RAD51B: variants seen among roughly 807,000 people sequenced by gnomAD.
The protein encoded by RAD51B is RAD51 paralog B.
In RAD51B, 38 loss-of-function variants were observed where a neutral mutation model predicts 42.2. That is an observed-to-expected ratio of 0.90 (90% CI 0.70 to 1.18). The LOEUF (loss-of-function observed/expected upper bound fraction) is 1.18, where lower values mean the gene tolerates loss of function less well. Ranked by LOEUF, RAD51B falls within the 50% of genes most tolerant of loss-of-function variation. RAD51B has a pLI of 0.00. For synonymous variants in RAD51B, 154 were observed against 145.2 expected, an observed-to-expected ratio of 1.06 and a Z score of -0.43; for missense variants, 373 against 400.7, an observed-to-expected ratio of 0.93 and a Z score of 0.59.
intron 7 of RAD51B, among the ~76,000 whole-genome samples, chr14:68,261,147 G>A (rs944441431): frequency 6.6e-6 from 1 of 152,244 alleles, no homozygotes; most frequent in Non-Finnish European, 1.5e-5. Flanking sequence ...GGATGTTGCA[G>A]CTTAAGGAAG....
At position 68,148,653 on chromosome 14, in the gene RAD51B, C is replaced by T. The variant is rs543656234; in HGVS notation, c.757-143231C>T. ...TTTCCTGGGCTAGTGATATGTGTTACGATACTCTCTCGTGATACTGTGCAG... is the reference window on the plus strand; with the variant it reads ...TTTCCTGGGCTAGTGATATGTGTTATGATACTCTCTCGTGATACTGTGCAG... On this transcript the variant is annotated intron_variant, in intron 7 of 10. Coordinates refer to ENST00000471583, the MANE Select transcript of RAD51B (RefSeq NM_133510.4). 1.5e-3 allele frequency among the ~76,000 whole-genome samples: 231 copies of T among 152,260 alleles called. 1 individual carries two copies. The highest frequency in any genetic ancestry group is 6.8e-3 in the Middle Eastern group (2 of 294).
chr14:68,415,556 T>G (rs1270916449), intron 9 of RAD51B, among the ~76,000 whole-genome samples: 4 of 152,188 alleles, frequency 2.6e-5, no homozygotes, highest in Non-Finnish European at 5.9e-5. Context: ...AAACCGGACT[T>G]GCAGTAAGAG....
intron 8 of RAD51B, among the ~76,000 whole-genome samples, chr14:68,318,698 A>T (rs1454016953): frequency 6.6e-6 from 1 of 152,208 alleles, no homozygotes; most frequent in Non-Finnish European, 1.5e-5. Flanking sequence ...CTGCAGCTGT[A>T]GCTAGAGACA....
At chr14:68,329,981 C>CA (rs57191974) in intron 8 of RAD51B, among the ~76,000 whole-genome samples, 2,659 of 113,766 alleles carry the variant, frequency 0.023, 70 homozygotes, top group African/African-American at 0.074. Context: ...GACTCTGTCT[C>CA]AAAAAAAAAA....
chr14:68,536,923 T>C (rs902541207), intron 10 of RAD51B, among the ~76,000 whole-genome samples: 11 of 146,336 alleles, frequency 7.5e-5, no homozygotes, highest in African/African-American at 2.0e-4. Flanking sequence ...CAAAAAAAAA[T>C]TGAAAAAATT....
chr14:68,108,828 C>T (rs1051456096), intron 7 of RAD51B, among the ~76,000 whole-genome samples: 11 of 151,820 alleles, frequency 7.2e-5, no homozygotes, highest in East Asian at 5.8e-4. Flanking sequence ...AATTTGGCTT[C>T]GGTGGTTTGG....
intron 7 of RAD51B, among the ~76,000 whole-genome samples, chr14:68,199,830 A>C (rs75495292): frequency 0.028 from 4,323 of 152,208 alleles, 229 homozygotes; most frequent in African/African-American, 0.1. Context: ...CCTTTGCTGC[A>C]TGGTGATACG....
chr14:68,269,764 G>A (rs897105173), intron 7 of RAD51B, among the ~76,000 whole-genome samples: 1 of 152,224 alleles, frequency 6.6e-6, no homozygotes, highest in South Asian at 2.1e-4. Context: ...CGGTTGCTCA[G>A]TAAACACATG....
intron 4 of RAD51B, among the ~76,000 whole-genome samples, chr14:67,861,567 A>G (rs2042163976): frequency 7.0e-6 from 1 of 142,446 alleles, no homozygotes; most frequent in South Asian, 2.2e-4. Context: ...CAGAGTGAGA[A>G]CCTGTCTTTA....
intron 1 of RAD51B, chr14:67,822,312 C>T (rs1233538505): frequency 6.6e-6 from 1 of 152,088 alleles, no homozygotes; most frequent in Non-Finnish European, 1.5e-5. Flanking sequence ...TTTCATGAGC[C>T]TCATTTACCC....
intron 7 of RAD51B, among the ~76,000 whole-genome samples, chr14:68,280,492 C>T (rs2081299986): frequency 6.6e-6 from 1 of 152,144 alleles, no homozygotes; most frequent in Non-Finnish European, 1.5e-5. Context: ...ACCTCAGTTT[C>T]CTCATCTTTA....
intron 7 of RAD51B, among the ~76,000 whole-genome samples, chr14:68,049,532 C>A (rs1272842110): frequency 6.6e-6 from 1 of 152,216 alleles, no homozygotes; most frequent in African/African-American, 2.4e-5. Flanking sequence ...CCCAGCTCCT[C>A]TGCTAACACC....
At chr14:68,413,529 C>G (rs2084472062) in intron 9 of RAD51B, among the ~76,000 whole-genome samples, 3 of 152,186 alleles carry the variant, frequency 2.0e-5, no homozygotes, top group Non-Finnish European at 4.4e-5. Flanking sequence ...ATGGCCAACC[C>G]AGGCAAAGAA....
intron 7 of RAD51B, among the ~76,000 whole-genome samples, chr14:68,142,274 A>G (rs2078144999): frequency 6.6e-6 from 1 of 152,154 alleles, no homozygotes; most frequent in Non-Finnish European, 1.5e-5. Flanking sequence ...ATTGATTTAC[A>G]TCTACCTACC....
At chr14:68,656,651 G>A (rs976126761) in intron 11 of RAD51B, among the ~76,000 whole-genome samples, 10 of 152,192 alleles carry the variant, frequency 6.6e-5, no homozygotes, top group Non-Finnish European at 1.0e-4. Context: ...TTGAAAAGGC[G>A]ACCGCAGGCC....
chr14:68,215,631 G>A (rs2079799471), intron 7 of RAD51B, among the ~76,000 whole-genome samples: 2 of 152,196 alleles, frequency 1.3e-5, no homozygotes, highest in South Asian at 4.1e-4. Context: ...TTCTGGTTCT[G>A]AAATCCATAC....
intron 7 of RAD51B, among the ~76,000 whole-genome samples, chr14:67,896,045 A>G (rs1460734527): frequency 1.3e-5 from 2 of 152,192 alleles, no homozygotes; most frequent in East Asian, 3.8e-4. Flanking sequence ...ATTTGCATGT[A>G]TATATCTGAG....
chr14:68,537,800 TTTA>T (rs1362573292), intron 10 of RAD51B, among the ~76,000 whole-genome samples: 2 of 149,124 alleles, frequency 1.3e-5, no homozygotes, highest in Non-Finnish European at 2.9e-5. Context: ...TTTTCATTTC[TTTA>T]TTTATTAGTT....
At chr14:68,191,633 G>A (rs2079269317) in intron 7 of RAD51B, among the ~76,000 whole-genome samples, 1 of 152,074 alleles carries the variant, frequency 6.6e-6, no homozygotes. Context: ...GTCTCTCTTG[G>A]GAGCCCAGGT....
Sources: gnomAD v4.1 joint callset for allele counts (sites outside exome capture counted in the v4.1 genomes callset) on GRCh38, gnomAD v4.1.1 for gene constraint, MANE v1.5 for transcripts, NCBI Gene and HGNC (gene_info 2026-07-23, HGNC 2026-07-21) for gene names.